The following SNUPN variants were observed in gnomAD, a reference collection of about 807,000 sequenced individuals.
SNUPN encodes snurportin-1.
In SNUPN, 31 loss-of-function variants were observed where a neutral mutation model predicts 39.2. The observed-to-expected ratio is 0.79, with a 90% CI of 0.59 to 1.07. The LOEUF (loss-of-function observed/expected upper bound fraction) is 1.07, where lower values mean the gene tolerates loss of function less well. SNUPN is among the 50% of genes least tolerant of loss of function. SNUPN has a pLI of 0.00. For synonymous variants in SNUPN, 132 were observed against 159.0 expected, an observed-to-expected ratio of 0.83 and a Z score of 1.28; for missense variants, 382 against 434.2, an observed-to-expected ratio of 0.88 and a Z score of 1.07.
intron 1 of SNUPN, chr15:75,624,940 T>C (rs1312390857): frequency 4.5e-6 from 1 of 220,204 alleles, no homozygotes; most frequent in African/African-American, 2.3e-5. Context: ...GCCCGGCTAA[T>C]TTTTTTTGTA....
At position 75,609,577 on chromosome 15, in the gene SNUPN, C is replaced by T. The variant is rs774666271; in HGVS notation, c.483G>A (p.Arg161=). The T allele has an allele frequency of 6.2e-7, 1 of 1,613,858 alleles. No homozygotes were observed. Among genetic ancestry groups the T allele is most frequent in the Non-Finnish European group, 8.5e-7 (1 of 1,179,762 alleles). ...AGGTACCTTTTGCTGTTGAGTTTCG[C>T]CTGTTGCCTCCTGGCAGAAGTGAAG... The part of the protein sequence containing the change: ...RFSSLLPGGN[R]RNSTAKDYTI... The change falls in exon 5 of 9, where the codon AGG becomes AGA. Residue 161 remains arginine (R), a synonymous_variant. Coordinates refer to ENST00000308588, the MANE Select transcript of SNUPN (RefSeq NM_005701.4).
chr15:75,622,622 T>C, intron 1 of SNUPN: 1 of 421,854 alleles, frequency 2.4e-6, no homozygotes, highest in Non-Finnish European at 3.2e-6. Flanking sequence ...GCCCTTTGGT[T>C]CTAGTGTAAA....
intron 7 of SNUPN, 108 bp from the exon 8 acceptor site, chr15:75,601,326 G>A (rs2141360244): frequency 2.7e-6 from 2 of 752,288 alleles, no homozygotes; most frequent in Non-Finnish European, 4.6e-6. Context: ...TGTAATCCCA[G>A]CACTTTGGGA....
intron 1 of SNUPN, among the ~76,000 whole-genome samples, chr15:75,623,507 T>A (rs1893129678): frequency 1.3e-5 from 2 of 148,868 alleles, no homozygotes; most frequent in South Asian, 4.3e-4. Context: ...TACAGTGGTG[T>A]GATCTCGGCT....
At chr15:75,607,459 CACTGGGGAGAGA>C (rs2075340051) in intron 5 of SNUPN, 146 bp from the exon 6 acceptor site, 2 of 638,206 alleles carry the variant, frequency 3.1e-6, no homozygotes, top group South Asian at 3.6e-5. Context: ...ACTAAGGATT[CACTGGGGAGAGA>C]ACCCTGCCTG....
At chr15:75,624,864 C>A in intron 1 of SNUPN, 1 of 397,960 alleles carries the variant, frequency 2.5e-6, no homozygotes, top group East Asian at 9.0e-5. Flanking sequence ...CCTCCATCTC[C>A]CGGATTCAAG....
chr15:75,623,073 A>G (rs917073165), intron 1 of SNUPN, among the ~76,000 whole-genome samples: 5 of 152,208 alleles, frequency 3.3e-5, no homozygotes, highest in Admixed American at 3.3e-4. Context: ...TATGTTCAAC[A>G]CTGCTGTGCA....
At chr15:75,603,343 G>C (rs553443402) in intron 7 of SNUPN, among the ~76,000 whole-genome samples, 1 of 144,684 alleles carries the variant, frequency 6.9e-6, no homozygotes, top group East Asian at 2.2e-4. Flanking sequence ...TACCGCACTC[G>C]GCCTGGCCCA....
intron 5 of SNUPN, among the ~76,000 whole-genome samples, chr15:75,608,734 C>T (rs976953076): frequency 2.0e-5 from 3 of 152,164 alleles, no homozygotes; most frequent in Non-Finnish European, 2.9e-5. Flanking sequence ...CAGGAATTTA[C>T]GGACCATCAG....
chr15:75,602,467 A>G (rs959056335), intron 7 of SNUPN, among the ~76,000 whole-genome samples: 4 of 150,722 alleles, frequency 2.7e-5, no homozygotes, highest in African/African-American at 9.7e-5. Context: ...CGGAGGTTGC[A>G]GTGAGCTGAG....
intron 1 of SNUPN, among the ~76,000 whole-genome samples, chr15:75,624,206 C>A (rs1893155847): frequency 6.6e-6 from 1 of 150,450 alleles, no homozygotes; most frequent in Admixed American, 6.6e-5. Flanking sequence ...GGATTACAGG[C>A]GTGAGCCACC....
At chr15:75,617,072 A>G (rs1595987805) in intron 3 of SNUPN, among the ~76,000 whole-genome samples, 1 of 152,280 alleles carries the variant, frequency 6.6e-6, no homozygotes, top group South Asian at 2.1e-4. Context: ...AGTGACAACT[A>G]AAAAAAATGA....
In SNUPN at chr15:75,605,428, G is replaced by A. The variant is rs2075323697; in HGVS notation, c.601-201C>T. ...TTCAAGCGATTCTCCTGCCTCCCAAGTAGCTGGGACTACAGGCGCCCACTG... is the reference window on the plus strand; with the variant it reads ...TTCAAGCGATTCTCCTGCCTCCCAAATAGCTGGGACTACAGGCGCCCACTG... On this transcript the variant is annotated intron_variant, in intron 6 of 8. Coordinates refer to ENST00000308588, the MANE Select transcript of SNUPN (RefSeq NM_005701.4). The A allele has an allele frequency of 1.5e-5, 6 of 392,864 alleles. No homozygotes were observed. In the Admixed American group the frequency reaches 1.7e-4, roughly 11 times the overall value. 24.3% of individuals were successfully genotyped at this position (392,864 alleles called of 1,614,324 possible).
intron 1 of SNUPN, 83 bp from the exon 2 acceptor site, chr15:75,621,139 G>A (rs1567563061): frequency 7.5e-7 from 1 of 1,337,856 alleles, no homozygotes. Flanking sequence ...ATGATATGAT[G>A]GCCACATTCC....
rs1595980954 is a variant in SNUPN at position 75,601,137 on chromosome 15, C to T, written c.759+1G>A. On this transcript the variant is annotated splice_donor_variant, in intron 8 of 8. Coordinates refer to ENST00000308588, the MANE Select transcript of SNUPN (RefSeq NM_005701.4). LOFTEE classifies it high-confidence loss of function. ...GGCAATAAAGACAATGGTTTCGTTA[C>T]CTCAAAAGGGAAATCCATAGATAGC... 6.2e-7 allele frequency: 1 copy of T among 1,610,348 alleles called. No individual in the cohort carries two copies. The highest frequency in any genetic ancestry group is 8.5e-7 in the Non-Finnish European group (1 of 1,176,660).
Position 75,601,186 on chromosome 15 carries a change from G to A in SNUPN, c.711C>T (p.Cys237=), listed in dbSNP as rs758942941. ...FKFVGLKNFP[C]TPESLCDVLS... ...GCACATCACACAGGCTTTCGGGAGT[G>A]CAAGGGAAGTTCTTTAGCCCCACAA... The change falls in exon 8 of 9, where the codon TGC becomes TGT. Residue 237 remains cysteine, a synonymous_variant. Coordinates refer to ENST00000308588, the MANE Select transcript of SNUPN (RefSeq NM_005701.4). 3.7e-6 allele frequency: 6 copies of A among 1,613,554 alleles called. No homozygotes were observed. In the African/African-American group the frequency reaches 5.3e-5, roughly 14 times the overall value.
rs887181777 is a variant in SNUPN at position 75,598,442 on chromosome 15, G to A, written c.999C>T (p.His333=). 6.2e-7 allele frequency: 1 copy of A among 1,614,090 alleles called. No individual in the cohort carries two copies. The highest frequency in any genetic ancestry group is 1.3e-5 in the African/African-American group (1 of 74,926). ...GAGTAGACAGGTGCTCCAATTCATA[G>A]TGCCCATTCTCAGAGGCCTTGTGTG... The part of the protein sequence containing the change: ...KLTHKASENG[H]YELEHLSTPK... The change falls in exon 9 of 9, where the codon CAC becomes CAT. Residue 333 remains histidine (H), a synonymous_variant. Coordinates refer to ENST00000308588, the MANE Select transcript of SNUPN (RefSeq NM_005701.4).
chr15:75,606,660 G>A (rs1036565301), intron 6 of SNUPN, among the ~76,000 whole-genome samples: 2 of 152,114 alleles, frequency 1.3e-5, no homozygotes, highest in Admixed American at 1.3e-4. Context: ...GAAACAGAAG[G>A]GGAGAATATT....
rs1177972525 is a variant in SNUPN at position 75,609,765 on chromosome 15, T to C, written c.409-114A>G. On this transcript the variant is annotated intron_variant, in intron 4 of 8. Coordinates refer to ENST00000308588, the MANE Select transcript of SNUPN (RefSeq NM_005701.4). ...AAAGATGGCTCTCAACAAACCTTCCTGCAGGAAAGTGTTTCAAGCTCCACT... is the reference window on the plus strand; with the variant it reads ...AAAGATGGCTCTCAACAAACCTTCCCGCAGGAAAGTGTTTCAAGCTCCACT... 4.7e-5 allele frequency: 53 copies of C among 1,135,928 alleles called. 1 individual carries two copies. The Admixed American group carries it at 1.0e-3, about 22-fold the overall frequency. 70.4% of individuals were successfully genotyped at this position (1,135,928 alleles called of 1,614,324 possible). A position where few individuals can be genotyped will look rare whatever the true frequency, so the allele number is the denominator to read the frequency against.
Sources: gnomAD v4.1 joint callset for allele counts (sites outside exome capture counted in the v4.1 genomes callset) on GRCh38, gnomAD v4.1.1 for gene constraint, MANE v1.5 for transcripts, NCBI Gene and HGNC (gene_info 2026-07-23, HGNC 2026-07-21) for gene names.